Variants in AHI1 observed in about 807,000 individuals in gnomAD.
The protein encoded by AHI1 is Abelson helper integration site 1.
AHI1 carries 123 observed loss-of-function variants against 149.3 expected under a neutral mutation model. The observed-to-expected ratio is 0.82, with a 90% confidence interval of 0.71 to 0.96. The LOEUF (loss-of-function observed/expected upper bound fraction) is 0.96. Ranked by LOEUF, AHI1 falls within the 40% of genes least tolerant of loss-of-function variation. The probability of loss-of-function intolerance (pLI) is 0.00; values close to 1 mark genes in which losing one functional copy is unlikely to be tolerated. For synonymous variants in AHI1, 475 were observed against 459.8 expected (o/e 1.03, Z -0.42); for missense variants, 1,439 against 1,422.7 (o/e 1.01, Z -0.18).
Position 135,485,013 on chromosome 6 carries a change from T to A in AHI1, c.135+5610A>T, listed in dbSNP as rs139016771. Among the ~76,000 whole-genome samples the A allele has an allele frequency of 8.1e-3, 1,231 of 152,208 alleles. 13 individuals carry two copies. The highest frequency in any genetic ancestry group is 0.027 in the African/African-American group (1,134 of 41,522). On this transcript the variant is annotated intron_variant, in intron 5 of 28. Transcript: ENST00000265602. ...TAATTTTTAGTTTGTGAGATAAAAT[T>A]CCTTCCCTCAAAAGCTAAAGCAACC...
intron 24 of AHI1, among the ~76,000 whole-genome samples, chr6:135,341,029 C>T (rs1340776565): frequency 6.6e-5 from 10 of 151,668 alleles, no homozygotes; most frequent in East Asian, 1.9e-4. Context: ...AAGTGAGTAA[C>T]GGTGAAACAA....
intron 23 of AHI1, among the ~76,000 whole-genome samples, chr6:135,382,402 T>A (rs747435674): frequency 3.3e-5 from 5 of 152,228 alleles, no homozygotes; most frequent in Admixed American, 2.0e-4. Context: ...TCTCTATCAT[T>A]ACCAGAAGGT....
intron 23 of AHI1, among the ~76,000 whole-genome samples, chr6:135,360,015 A>T (rs1367091657): frequency 6.6e-6 from 1 of 152,182 alleles, no homozygotes; most frequent in African/African-American, 2.4e-5. Flanking sequence ...AATTTAGATT[A>T]CATATATAAA....
chr6:135,486,034 A>T (rs1056143806), intron 5 of AHI1, among the ~76,000 whole-genome samples: 2 of 152,250 alleles, frequency 1.3e-5, no homozygotes, highest in Non-Finnish European at 2.9e-5. Context: ...TGTGAGAATT[A>T]GATGAGTTAA....
chr6:135,406,498 C>T (rs1780816721), intron 21 of AHI1, among the ~76,000 whole-genome samples: 1 of 152,082 alleles, frequency 6.6e-6, no homozygotes, highest in Non-Finnish European at 1.5e-5. Context: ...ATACTCAACC[C>T]TATAGGATGG....
At chr6:135,293,406 G>GAAAAAAAAAAA (rs71547029) in intron 27 of AHI1, among the ~76,000 whole-genome samples, 22 of 65,582 alleles carry the variant, frequency 3.4e-4, no homozygotes, top group South Asian at 8.9e-4. Flanking sequence ...AAAAAAAAAA[G>GAAAAAAAAAAA]AAAAAAAAAA....
chr6:135,418,061 T>C lies in AHI1; in HGVS notation c.2765-6517A>G, dbSNP rs72980205. On this transcript the variant is annotated intron_variant, in intron 20 of 28. Coordinates refer to ENST00000265602, the MANE Select transcript of AHI1 (RefSeq NM_001134831.2). ...TTCATTTTGTCATTACTTTTTGTGT[T>C]AATTTAACTTTGCATATTTAAAATT... Among the ~76,000 whole-genome samples the C allele has an allele frequency of 4.8e-3, 732 of 152,200 alleles. 8 individuals carry two copies. Among genetic ancestry groups the C allele is most frequent in the Non-Finnish European group, 7.4e-3 (501 of 67,994 alleles).
rs1020543685 is a variant in AHI1, at chr6:135,387,907, A to G, written c.3109+6869T>C. On this transcript the variant is annotated intron_variant, in intron 23 of 28. Coordinates refer to ENST00000265602, the MANE Select transcript of AHI1 (RefSeq NM_001134831.2). ...ACATTTATCCGAAGAGAGAAAGTGA[A>G]CTACCTAACAAAACAGTTAGGAAGT... The G allele has an allele frequency of 3.1e-6, 5 of 1,592,178 alleles. No homozygotes were observed. In the African/African-American group the frequency reaches 6.7e-5, roughly 21 times the overall value.
intron 26 of AHI1, among the ~76,000 whole-genome samples, chr6:135,315,635 AATCCAACTGTAGATTT>A (rs1785833307): frequency 6.6e-6 from 1 of 152,140 alleles, no homozygotes; most frequent in Non-Finnish European, 1.5e-5. Context: ...AAGAAGAAAA[AATCCAACTGTAGATTT>A]ATGCCACCTC....
chr6:135,366,083 C>T (rs548111417), intron 23 of AHI1, among the ~76,000 whole-genome samples: 2 of 152,228 alleles, frequency 1.3e-5, no homozygotes, highest in East Asian at 3.9e-4. Context: ...ATTTTTAATT[C>T]TGTTTAAGTT....
intron 24 of AHI1, among the ~76,000 whole-genome samples, chr6:135,340,399 CA>C (rs1004171009): frequency 4.7e-4 from 62 of 130,914 alleles, no homozygotes; most frequent in African/African-American, 9.2e-4. Context: ...CAAAAACAAA[CA>C]AAAAAAAAAG....
intron 24 of AHI1, among the ~76,000 whole-genome samples, chr6:135,338,730 T>C (rs1789814455): frequency 6.6e-6 from 1 of 152,214 alleles, no homozygotes. Flanking sequence ...ATTCTTATCA[T>C]CCCCTTGCCA....
intron 27 of AHI1, among the ~76,000 whole-genome samples, chr6:135,292,129 CACACATACACAA>C (rs1230792885): frequency 7.2e-5 from 11 of 151,850 alleles, no homozygotes; most frequent in African/African-American, 2.7e-4. Flanking sequence ...CACACACACA[CACACATACACAA>C]ACACACACAC....
chr6:135,357,626 A>T (rs1309588414), intron 24 of AHI1, among the ~76,000 whole-genome samples: 1 of 152,240 alleles, frequency 6.6e-6, no homozygotes, highest in Non-Finnish European at 1.5e-5. Context: ...GAGTCTTTCA[A>T]TTGCAAACTA....
intron 24 of AHI1, among the ~76,000 whole-genome samples, chr6:135,328,083 T>TG (rs1204567064): frequency 6.6e-6 from 1 of 151,984 alleles, no homozygotes; most frequent in African/African-American, 2.4e-5. Flanking sequence ...TACTTGTGAA[T>TG]GGTGCCTGGG....
Position 135,300,488 on chromosome 6 carries a change from G to C in AHI1, c.3485+12C>G. The C allele has an allele frequency of 1.3e-6, 2 of 1,593,974 alleles. No homozygotes were observed. The highest frequency in any genetic ancestry group is 8.5e-7 in the Non-Finnish European group (1 of 1,170,370). ...ATTTATCACTGCAAATTATTTTGAAGAAGTTGCTTACTGTGTCATAGATTC... is the reference window on the plus strand; with the variant it reads ...ATTTATCACTGCAAATTATTTTGAACAAGTTGCTTACTGTGTCATAGATTC... On this transcript the variant is annotated intron_variant, in intron 27 of 28. Coordinates refer to ENST00000265602, the MANE Select transcript of AHI1 (RefSeq NM_001134831.2).
chr6:135,360,083 G>C (rs953769224), intron 23 of AHI1, among the ~76,000 whole-genome samples: 4 of 151,856 alleles, frequency 2.6e-5, no homozygotes, highest in African/African-American at 9.7e-5. Context: ...AAAATATATA[G>C]AAAGGAATAA....
At position 135,352,701 on chromosome 6, in the gene AHI1, G is replaced by GTATATA. The variant is rs557236679; in HGVS notation, c.3165+5425_3165+5430dup. 5.2e-3 allele frequency among the ~76,000 whole-genome samples: 673 copies of GTATATA among 129,456 alleles called. 2 individuals carry two copies. The highest frequency in any genetic ancestry group is 0.023 in the African/African-American group (647 of 27,684). The allele number at this position is 129,456 out of a possible 152,430, so 84.9% of individuals were successfully genotyped here. On this transcript the variant is annotated intron_variant, in intron 24 of 28. Coordinates refer to ENST00000265602, the MANE Select transcript of AHI1 (RefSeq NM_001134831.2). Reference sequence around the variant, plus strand: ...AACTACTCAAAGACACATTGTGTGTGTATATATATATACACACACACACAC... The same window carrying GTATATA: ...AACTACTCAAAGACACATTGTGTGTGTATATATATATATATATACACACACACACAC...
intron 25 of AHI1, among the ~76,000 whole-genome samples, chr6:135,320,106 A>G (rs1203716891): frequency 3.9e-5 from 6 of 152,218 alleles, no homozygotes; most frequent in Non-Finnish European, 4.4e-5. Context: ...CTCTAATGTT[A>G]AAACTGGGCA....
Sources: gnomAD v4.1 joint callset for allele counts (sites outside exome capture counted in the v4.1 genomes callset) on GRCh38, gnomAD v4.1.1 for gene constraint, MANE v1.5 for transcripts, NCBI Gene and HGNC (gene_info 2026-07-23, HGNC 2026-07-21) for gene names.